GRM8: variants seen among roughly 807,000 people sequenced by gnomAD.
GRM8 encodes metabotropic glutamate receptor 8.
Under a neutral mutation model 87.2 loss-of-function variants are expected in GRM8, and 47 were observed. The observed-to-expected ratio is 0.54, with a 90% confidence interval of 0.43 to 0.69. The LOEUF (loss-of-function observed/expected upper bound fraction) is 0.69. Among genes scored for constraint, GRM8 ranks in the 30% least tolerant of loss-of-function variants. The pLI is 0.00. For missense variants in GRM8, 1,019 were observed against 1,139.2 expected (o/e 0.89, Z 1.52); for synonymous variants, 396 against 404.5 (o/e 0.98, Z 0.25).
rs750543385 is a variant in GRM8, at chr7:126,769,920, C to T, written c.1302G>A (p.Met434Ile). Reference sequence around the variant, plus strand: ...GTAGCTCTTTCCCATCAATGGTACTCATTCGTGGACAAAGGCCAATGTATC... The same window carrying T: ...GTAGCTCTTTCCCATCAATGGTACTTATTCGTGGACAAAGGCCAATGTATC... ...CPGYIGLCPR[M>I]STIDGKELLG... Residue 434 changes from methionine to isoleucine, a missense_variant, in exon 7 of 11, where the codon ATG becomes ATA. Transcript: ENST00000339582. 1 of 1,613,096 alleles carries T rather than the reference C, an allele frequency of 6.2e-7. No individual in the cohort carries two copies. The highest frequency in any genetic ancestry group is 8.5e-7 in the Non-Finnish European group (1 of 1,179,286).
At chr7:127,231,637 C>T (rs927290988) in intron 2 of GRM8, among the ~76,000 whole-genome samples, 3 of 152,140 alleles carry the variant, frequency 2.0e-5, no homozygotes, top group Non-Finnish European at 4.4e-5. Flanking sequence ...GTCATGTCAG[C>T]CATCTCTGGC....
chr7:126,577,764 A>G (rs1795243724), intron 8 of GRM8, among the ~76,000 whole-genome samples: 1 of 152,078 alleles, frequency 6.6e-6, no homozygotes, highest in Non-Finnish European at 1.5e-5. Context: ...GCCTTTTTGT[A>G]CCCTCTTGAG....
intron 2 of GRM8, among the ~76,000 whole-genome samples, chr7:127,168,999 A>AT (rs1477385742): frequency 4.6e-5 from 4 of 86,674 alleles, no homozygotes; most frequent in South Asian, 3.7e-4. Flanking sequence ...TGCAGAAACT[A>AT]TAAAAAAAAA....
At chr7:126,782,211 T>C (rs1472706168) in intron 6 of GRM8, among the ~76,000 whole-genome samples, 1 of 152,172 alleles carries the variant, frequency 6.6e-6, no homozygotes, top group Non-Finnish European at 1.5e-5. Flanking sequence ...ATAAACAATA[T>C]ATTATTAATC....
chr7:126,583,119 G>A (rs924530616), intron 8 of GRM8, among the ~76,000 whole-genome samples: 3 of 152,168 alleles, frequency 2.0e-5, no homozygotes, highest in African/African-American at 7.2e-5. Context: ...ACTTTGGGAG[G>A]CTAAGGCGGG....
intron 3 of GRM8, chr7:127,076,318 C>A: frequency 2.5e-6 from 1 of 403,606 alleles, no homozygotes; most frequent in South Asian, 1.9e-5. Context: ...TATTTCTGTT[C>A]CATGTTCAGA....
intron 7 of GRM8, among the ~76,000 whole-genome samples, chr7:126,637,230 G>A (rs182835802): frequency 7.2e-5 from 11 of 152,102 alleles, no homozygotes; most frequent in Admixed American, 5.2e-4. Flanking sequence ...TTTTGAAATA[G>A]TCATACAATT....
Position 127,190,679 on chromosome 7 carries a change from A to G in GRM8, c.510+52016T>C, listed in dbSNP as rs573614350. Among the ~76,000 whole-genome samples, 5 of 152,332 alleles carry G rather than the reference A, an allele frequency of 3.3e-5. No homozygotes were observed. The East Asian group carries it at 9.6e-4, about 29-fold the overall frequency. ...CCAGGTATATTTACATAAAAATAAA[A>G]AGCAGAGTATTATGAATTTATGAAT... On this transcript the variant is annotated intron_variant, in intron 2 of 10. Coordinates refer to ENST00000339582, the MANE Select transcript of GRM8 (RefSeq NM_000845.3).
In GRM8 at chr7:126,684,022, T is replaced by C. The variant is rs562229686; in HGVS notation, c.1358-74524A>G. 3.3e-5 allele frequency among the ~76,000 whole-genome samples: 5 copies of C among 152,314 alleles called. No homozygotes were observed. The East Asian group carries it at 9.6e-4, about 29-fold the overall frequency. ...ATTTTTTCACTACTGTACTCTACAT[T>C]GCCTAGCGTAATATCTAGCATGTAA... On this transcript the variant is annotated intron_variant, in intron 7 of 10. Transcript: ENST00000339582.
At chr7:127,101,917 T>C (rs571890280) in intron 3 of GRM8, among the ~76,000 whole-genome samples, 49 of 152,336 alleles carry the variant, frequency 3.2e-4, no homozygotes, top group African/African-American at 1.1e-3. Context: ...TAAATGCTTT[T>C]CACCAAAATG....
chr7:126,528,798 C>A (rs928732049), intron 9 of GRM8, among the ~76,000 whole-genome samples: 1 of 152,186 alleles, frequency 6.6e-6, no homozygotes, highest in Admixed American at 6.5e-5. Context: ...CCAGGGGGAA[C>A]TCATTACCAC....
intron 8 of GRM8, among the ~76,000 whole-genome samples, chr7:126,543,748 A>G (rs1658453405): frequency 6.6e-6 from 1 of 152,180 alleles, no homozygotes; most frequent in African/African-American, 2.4e-5. Context: ...CACAGACATG[A>G]TGAAAAATAC....
At chr7:126,841,077 A>G (rs1387105155) in intron 6 of GRM8, among the ~76,000 whole-genome samples, 1 of 152,252 alleles carries the variant, frequency 6.6e-6, no homozygotes, top group Non-Finnish European at 1.5e-5. Flanking sequence ...CTTCTCCTGC[A>G]TGATTCACTA....
At chr7:127,208,368 C>T (rs764162937) in intron 2 of GRM8, among the ~76,000 whole-genome samples, 1 of 152,112 alleles carries the variant, frequency 6.6e-6, no homozygotes, top group Non-Finnish European at 1.5e-5. Flanking sequence ...CTGTTCCACC[C>T]CTTCCTCCCT....
At chr7:126,671,094 G>T (rs1217922504) in intron 7 of GRM8, among the ~76,000 whole-genome samples, 1 of 152,170 alleles carries the variant, frequency 6.6e-6, no homozygotes, top group Non-Finnish European at 1.5e-5. Context: ...ATCTTGACTT[G>T]CAGAGCCAAT....
At chr7:126,672,988 G>A (rs115551867) in intron 7 of GRM8, among the ~76,000 whole-genome samples, 1 of 152,166 alleles carries the variant, frequency 6.6e-6, no homozygotes, top group African/African-American at 2.4e-5. Context: ...GCAGTTAGAT[G>A]TATTTCTCTA....
intron 2 of GRM8, among the ~76,000 whole-genome samples, chr7:127,178,518 C>T (rs1208828665): frequency 6.6e-6 from 1 of 152,152 alleles, no homozygotes; most frequent in Non-Finnish European, 1.5e-5. Context: ...GAAAATTCAT[C>T]ACAAAAAGAT....
chr7:127,039,734 G>A (rs1323037918), intron 3 of GRM8, among the ~76,000 whole-genome samples: 1 of 94,508 alleles, frequency 1.1e-5, no homozygotes, highest in African/African-American at 4.4e-5. Context: ...GAGGGGAAGG[G>A]GAAGGACAAG....
chr7:126,822,776 T>C (rs969003756), intron 6 of GRM8, among the ~76,000 whole-genome samples: 1 of 152,204 alleles, frequency 6.6e-6, no homozygotes, highest in African/African-American at 2.4e-5. Flanking sequence ...AAACTACCTC[T>C]GAACGTTGAG....
Sources: gnomAD v4.1 joint callset for allele counts (sites outside exome capture counted in the v4.1 genomes callset) on GRCh38, gnomAD v4.1.1 for gene constraint, MANE v1.5 for transcripts, NCBI Gene and HGNC (gene_info 2026-07-23, HGNC 2026-07-21) for gene names.